PAX6: variants seen among roughly 807,000 people sequenced by gnomAD.
The protein encoded by PAX6 is paired box protein Pax-6.
Under a neutral mutation model 60.7 loss-of-function variants are expected in PAX6, and 7 were observed. That is an observed-to-expected ratio of 0.12 (90% CI 0.07 to 0.22). The LOEUF (loss-of-function observed/expected upper bound fraction) is 0.22, where lower values mean the gene tolerates loss of function less well. Among genes scored for constraint, PAX6 ranks in the 10% least tolerant of loss-of-function variants. The probability of loss-of-function intolerance (pLI) is 1.00; values close to 1 mark genes in which losing one functional copy is unlikely to be tolerated. For synonymous variants in PAX6, 208 were observed against 201.2 expected (o/e 1.03, Z -0.29); for missense variants, 355 against 555.2 (o/e 0.64, Z 3.62).
Position 31,790,273 on chromosome 11 carries a change from C to A in PAX6, c.1226-254G>T, listed in dbSNP as rs1322081537. The A allele has an allele frequency of 9.1e-6, 5 of 548,770 alleles. No homozygotes were observed. The East Asian group carries it at 1.5e-4, about 17-fold the overall frequency. The allele number at this position is 548,770 out of a possible 1,614,324, so 34.0% of individuals were successfully genotyped here. ...TCCAAAGGAAAAGAAAAAAAAAATC[C>A]TCTGTTTGTTTGCATGTTTGGAACT... On this transcript the variant is annotated intron_variant, in intron 13 of 13. Coordinates refer to ENST00000640368, the MANE Select transcript of PAX6 (RefSeq NM_001368894.2).
intron 2 of PAX6, chr11:31,809,644 T>C (rs556809646): frequency 1.4e-4 from 22 of 152,324 alleles, no homozygotes; most frequent in African/African-American, 5.3e-4. Context: ...TTATGAACTT[T>C]GAAAAGACAC....
intron 12 of PAX6, 156 bp from the exon 13 acceptor site, chr11:31,791,016 G>T: frequency 2.3e-6 from 2 of 853,438 alleles, no homozygotes; most frequent in South Asian, 2.9e-5. Context: ...TCTAAGATTG[G>T]GCCTCGAGCT....
chr11:31,793,192 T>C (rs1192673087), intron 12 of PAX6: 2 of 668,144 alleles, frequency 3.0e-6, no homozygotes, highest in East Asian at 2.7e-5. Context: ...AACAGTATAA[T>C]AAAAGGCAGA....
chr11:31,800,563 T>G, intron 8 of PAX6, 128 bp downstream of exon 8: 1 of 1,166,092 alleles, frequency 8.6e-7, no homozygotes, highest in South Asian at 1.2e-5. Flanking sequence ...GTCCCAGGCC[T>G]TCAAATGCAG....
chr11:31,790,366 G>C (rs956243112), intron 13 of PAX6: 1 of 998,128 alleles, frequency 1.0e-6, no homozygotes, highest in Non-Finnish European at 1.3e-6. Flanking sequence ...GTCTAGAGGA[G>C]CTATGAGGGC....
At chr11:31,790,109 A>AAAAAC in intron 13 of PAX6, 90 bp from the exon 14 acceptor site, 1 of 797,256 alleles carries the variant, frequency 1.3e-6, no homozygotes. Context: ...AAAAAAAAAA[A>AAAAAC]AAAAAAAAAA....
chr11:31,793,970 T>TA, intron 10 of PAX6, 62 bp downstream of exon 10: 1 of 1,304,496 alleles, frequency 7.7e-7, no homozygotes, highest in South Asian at 1.2e-5. Flanking sequence ...CAAGCACCTC[T>TA]GTCTCTAGGA....
At chr11:31,808,526 T>A in intron 2 of PAX6, 1 of 152,236 alleles carries the variant, frequency 6.6e-6, no homozygotes, top group Non-Finnish European at 1.5e-5. Flanking sequence ...GGTGGGGAGA[T>A]GGGGAATGGA....
At chr11:31,797,419 C>T (rs987242061) in intron 8 of PAX6, among the ~76,000 whole-genome samples, 2 of 151,034 alleles carry the variant, frequency 1.3e-5, no homozygotes, top group African/African-American at 4.9e-5. Context: ...AGGCAGCACG[C>T]GATCGCCGCC....
chr11:31,816,598 C>T, intron 1 of PAX6: 2 of 702,586 alleles, frequency 2.8e-6, no homozygotes, highest in Non-Finnish European at 5.2e-6. Flanking sequence ...CGCCGCCCAG[C>T]TCCAGGGAGA....
chr11:31,800,101 T>C (rs1290031348), intron 8 of PAX6, among the ~76,000 whole-genome samples: 2 of 151,728 alleles, frequency 1.3e-5, no homozygotes, highest in African/African-American at 4.8e-5. Context: ...TTCCACATAG[T>C]CGCCACCCAC....
At chr11:31,801,365 C>T (rs1238994161) in intron 7 of PAX6, 196 bp downstream of exon 7, 8 of 1,482,786 alleles carry the variant, frequency 5.4e-6, no homozygotes, top group Non-Finnish European at 6.2e-6. Context: ...TGACTCCCCA[C>T]ACTTGACTCC....
At chr11:31,815,823 T>A (rs1957351841), upstream of PAX6, among the ~76,000 whole-genome samples, 1 of 151,346 alleles carries the variant, frequency 6.6e-6, no homozygotes, top group East Asian at 1.9e-4. Context: ...GCGCTTTTCG[T>A]CACTTCCTAA....
chr11:31,802,177 A>C, intron 5 of PAX6: 1 of 481,638 alleles, frequency 2.1e-6, no homozygotes, highest in Non-Finnish European at 3.7e-6. Context: ...AAAGGTAAAA[A>C]ATAAACTGAT....
intron 12 of PAX6, chr11:31,791,255 C>A: frequency 2.8e-6 from 1 of 352,736 alleles, no homozygotes; most frequent in Admixed American, 3.8e-5. Flanking sequence ...CCCTATGACC[C>A]CCAGAGCCCA....
chr11:31,802,650 G>T (rs1389712146), intron 5 of PAX6, 54 bp downstream of exon 5: 4 of 1,579,958 alleles, frequency 2.5e-6, no homozygotes, highest in Non-Finnish European at 3.4e-6. Context: ...AAGAGAGGGC[G>T]TTGAGAGTGG....
Position 31,789,631 on chromosome 11 carries a change from T to C in PAX6, c.*303A>G, listed in dbSNP as rs1389406375. The C allele has an allele frequency of 1.0e-5, 7 of 693,334 alleles. No individual in the cohort carries two copies. Among genetic ancestry groups the C allele is most frequent in the Admixed American group, 2.1e-5 (1 of 48,518 alleles). The allele number at this position is 693,334 out of a possible 1,614,324, so 42.9% of individuals were successfully genotyped here. A position where few individuals can be genotyped will look rare whatever the true frequency, so the allele number is the denominator to read the frequency against. On this transcript the variant is annotated 3_prime_UTR_variant, in exon 14 of 14. Transcript: ENST00000640368. ...ACACAGATCAAACATCCATCCAGTCTACATTGTTCTTTTTTTCATTATAAC... is the reference window on the plus strand; with the variant it reads ...ACACAGATCAAACATCCATCCAGTCCACATTGTTCTTTTTTTCATTATAAC...
intron 12 of PAX6, 44 bp from the exon 13 acceptor site, chr11:31,790,904 A>ACAAAGC: frequency 6.2e-7 from 1 of 1,601,802 alleles, no homozygotes; most frequent in Middle Eastern, 1.7e-4. Context: ...GGAACACATC[A>ACAAAGC]CACAGCCACA....
chr11:31,803,749 C>T (rs1224491714), intron 4 of PAX6: 1 of 152,610 alleles, frequency 6.6e-6, no homozygotes, highest in Non-Finnish European at 1.5e-5. Flanking sequence ...TAGATATTAT[C>T]AAAAAGAAAA....
Sources: gnomAD v4.1 joint callset for allele counts (sites outside exome capture counted in the v4.1 genomes callset) on GRCh38, gnomAD v4.1.1 for gene constraint, MANE v1.5 for transcripts, NCBI Gene and HGNC (gene_info 2026-07-23, HGNC 2026-07-21) for gene names.